Variants in NOX4 observed in about 807,000 individuals in gnomAD.
NOX4 encodes the protein kidney oxidase-1.
In NOX4, 69 loss-of-function variants were observed where a neutral mutation model predicts 87.6. The observed-to-expected ratio is 0.79, with a 90% CI of 0.65 to 0.96. The LOEUF (loss-of-function observed/expected upper bound fraction) is 0.96, where lower values mean the gene tolerates loss of function less well. Among genes scored for constraint, NOX4 ranks in the 40% least tolerant of loss-of-function variants. NOX4 has a pLI of 0.00. For missense variants in NOX4, 680 were observed against 681.5 expected, an observed-to-expected ratio of 1.00 and a Z score of 0.02; for synonymous variants, 275 against 238.2, an observed-to-expected ratio of 1.15 and a Z score of -1.42.
chr11:89,521,197 A>C, the NOX4 span, among the ~76,000 whole-genome samples: 1 of 152,078 alleles, frequency 6.6e-6, no homozygotes, highest in African/African-American at 2.4e-5. Flanking sequence ...AATTCATATG[A>C]AACAAAAAAT....
chr11:89,437,149 T>A (rs183608448), intron 6 of NOX4, among the ~76,000 whole-genome samples: 11 of 151,846 alleles, frequency 7.2e-5, no homozygotes, highest in African/African-American at 2.7e-4. Context: ...GATCATGAGG[T>A]CAAGAGTTCA....
the NOX4 span, among the ~76,000 whole-genome samples, chr11:89,516,950 T>C: frequency 6.6e-6 from 1 of 151,638 alleles, no homozygotes; most frequent in Admixed American, 6.6e-5. Context: ...TCAATGGCAG[T>C]GATGGCTGCA....
chr11:89,462,011 A>AT (rs1353778760), intron 2 of NOX4, among the ~76,000 whole-genome samples: 3 of 152,106 alleles, frequency 2.0e-5, no homozygotes, highest in Non-Finnish European at 4.4e-5. Flanking sequence ...AAGAAAAAAA[A>AT]AAGGAAGAAA....
the NOX4 span, among the ~76,000 whole-genome samples, chr11:89,509,549 A>C: frequency 6.6e-6 from 1 of 152,080 alleles, no homozygotes; most frequent in Non-Finnish European, 1.5e-5. Flanking sequence ...CACTAGGAAA[A>C]TGAGTAGTGA....
chr11:89,575,532 C>T, the NOX4 span, among the ~76,000 whole-genome samples: 2 of 152,112 alleles, frequency 1.3e-5, no homozygotes, highest in East Asian at 3.9e-4. Flanking sequence ...ATATATACTA[C>T]GTAAGTCATG....
At chr11:89,555,333 A>C in the NOX4 span, among the ~76,000 whole-genome samples, 10 of 152,154 alleles carry the variant, frequency 6.6e-5, no homozygotes, top group East Asian at 1.9e-4. Flanking sequence ...CACACACACA[A>C]AAATTAGACA....
intron 8 of NOX4, among the ~76,000 whole-genome samples, chr11:89,412,748 C>T (rs1441864392): frequency 3.3e-5 from 5 of 152,008 alleles, no homozygotes; most frequent in Non-Finnish European, 5.9e-5. Flanking sequence ...ACTGGGGAAA[C>T]TCTCCAGGAC....
At chr11:89,497,666 A>C (rs556157937) in intron 1 of NOX4, among the ~76,000 whole-genome samples, 10 of 152,296 alleles carry the variant, frequency 6.6e-5, no homozygotes, top group African/African-American at 2.4e-4. Context: ...TGTTTGATTA[A>C]TGACTATATC....
upstream of NOX4, chr11:89,491,666 AC>A (rs1270106428): frequency 4.8e-6 from 1 of 207,310 alleles, no homozygotes; most frequent in Non-Finnish European, 9.5e-6. Flanking sequence ...GCTCCAAAAT[AC>A]TGGCAAACAT....
intron 11 of NOX4, among the ~76,000 whole-genome samples, chr11:89,373,712 T>C (rs1025016982): frequency 3.3e-5 from 5 of 152,014 alleles, no homozygotes; most frequent in African/African-American, 1.2e-4. Flanking sequence ...AAAATACTTA[T>C]GTAAAACAAT....
chr11:89,431,901 C>T (rs542617485), intron 7 of NOX4, among the ~76,000 whole-genome samples: 2,166 of 152,198 alleles, frequency 0.014, 62 homozygotes, highest in African/African-American at 0.049. Flanking sequence ...CACAGGCACA[C>T]GTATGTTTAT....
At chr11:89,432,107 A>T (rs1591228083) in intron 7 of NOX4, among the ~76,000 whole-genome samples, 1 of 142,184 alleles carries the variant, frequency 7.0e-6, no homozygotes, top group Non-Finnish European at 1.5e-5. Flanking sequence ...AAGGACAAAA[A>T]ACTATACACC....
chr11:89,549,818 A>G, the NOX4 span, among the ~76,000 whole-genome samples: 1 of 152,186 alleles, frequency 6.6e-6, no homozygotes, highest in South Asian at 2.1e-4. Flanking sequence ...AAAGACATGA[A>G]CTCATGAACT....
chr11:89,437,677 A>G (rs78037117), intron 6 of NOX4, among the ~76,000 whole-genome samples: 2,515 of 152,208 alleles, frequency 0.017, 81 homozygotes, highest in African/African-American at 0.057. Context: ...AGGACCCTGC[A>G]TACTCTAGAA....
chr11:89,442,267 G>C (rs556084184), intron 5 of NOX4, among the ~76,000 whole-genome samples: 10 of 151,838 alleles, frequency 6.6e-5, no homozygotes, highest in African/African-American at 2.4e-4. Context: ...AAACAGAGAT[G>C]AGTTGTAGAA....
At chr11:89,352,524 C>T (rs1335145501) in intron 13 of NOX4, among the ~76,000 whole-genome samples, 3 of 152,146 alleles carry the variant, frequency 2.0e-5, no homozygotes, top group South Asian at 2.1e-4. Flanking sequence ...AAATTATTCA[C>T]CTTCTAGATG....
At chr11:89,453,822 C>A (rs199828641) in intron 2 of NOX4, among the ~76,000 whole-genome samples, 3 of 152,114 alleles carry the variant, frequency 2.0e-5, no homozygotes, top group African/African-American at 4.8e-5. Context: ...TACTATTAAC[C>A]CCCACTTTAT....
At chr11:89,523,799 A>G in the NOX4 span, among the ~76,000 whole-genome samples, 9 of 152,228 alleles carry the variant, frequency 5.9e-5, no homozygotes, top group Non-Finnish European at 1.2e-4. Context: ...ATTTAAAAGG[A>G]ACTAACTACT....
intron 2 of NOX4, among the ~76,000 whole-genome samples, chr11:89,484,965 T>G (rs973067036): frequency 6.6e-6 from 1 of 152,158 alleles, no homozygotes; most frequent in Non-Finnish European, 1.5e-5. Flanking sequence ...GATCATATAT[T>G]CATTCTCAGC....
Sources: gnomAD v4.1 joint callset for allele counts (sites outside exome capture counted in the v4.1 genomes callset) on GRCh38, gnomAD v4.1.1 for gene constraint, MANE v1.5 for transcripts, NCBI Gene and HGNC (gene_info 2026-07-23, HGNC 2026-07-21) for gene names.